GRM7: variants seen among roughly 807,000 people sequenced by gnomAD.
The protein encoded by GRM7 is metabotropic glutamate receptor 7.
A neutral mutation model predicts 84.5 loss-of-function variants in GRM7; 35 were observed. That is an observed-to-expected ratio of 0.41 (90% CI 0.32 to 0.55). The LOEUF is 0.55. Among genes scored for constraint, GRM7 ranks in the 20% least tolerant of loss-of-function variants. GRM7 has a pLI of 0.19. For missense variants in GRM7, 1,003 were observed against 1,194.6 expected (o/e 0.84, Z 2.36); for synonymous variants, 487 against 455.1 (o/e 1.07, Z -0.89).
chr3:7,578,633 G>A lies in GRM7; in HGVS notation c.1727G>A (p.Cys576Tyr). The change falls in exon 8 of 10, where the codon TGC becomes TAC. Residue 576 changes from cysteine (C) to tyrosine (Y), a missense_variant. Transcript: ENST00000357716. ...DQRPNENRTG[C>Y]QDIPIIKLEW... Reference sequence around the variant, plus strand: ...AGGCCCAATGAAAATCGAACCGGATGCCAGGATATTCCCATCATCAAACTG... The same window carrying A: ...AGGCCCAATGAAAATCGAACCGGATACCAGGATATTCCCATCATCAAACTG... 1 of 1,613,960 alleles carries A rather than the reference G, an allele frequency of 6.2e-7. No homozygotes were observed. The highest frequency in any genetic ancestry group is 8.5e-7 in the Non-Finnish European group (1 of 1,179,904).
At chr3:7,306,067 T>C (rs1700184672) in intron 3 of GRM7, among the ~76,000 whole-genome samples, 1 of 152,212 alleles carries the variant, frequency 6.6e-6, no homozygotes, top group Admixed American at 6.5e-5. Context: ...CATAATCATA[T>C]TGCTTTTCAG....
intron 2 of GRM7, among the ~76,000 whole-genome samples, chr3:7,182,896 G>GTTTTTT (rs5846493): frequency 1.4e-4 from 16 of 110,738 alleles, no homozygotes; most frequent in South Asian, 3.4e-4. Flanking sequence ...ACGTGAAAGT[G>GTTTTTT]TTTTTTTTTT....
At chr3:7,342,767 C>T (rs539880770) in intron 4 of GRM7, among the ~76,000 whole-genome samples, 33 of 152,204 alleles carry the variant, frequency 2.2e-4, no homozygotes, top group African/African-American at 6.7e-4. Flanking sequence ...CTTTGAGAAC[C>T]GCTGCTGTTT....
intron 1 of GRM7, among the ~76,000 whole-genome samples, chr3:7,141,080 T>G (rs1243501440): frequency 6.6e-6 from 1 of 152,100 alleles, no homozygotes; most frequent in Non-Finnish European, 1.5e-5. Flanking sequence ...AATTGCTCAC[T>G]GTTCAGAAAT....
At chr3:7,079,751 G>A (rs1358986299) in intron 1 of GRM7, among the ~76,000 whole-genome samples, 1 of 152,108 alleles carries the variant, frequency 6.6e-6, no homozygotes, top group African/African-American at 2.4e-5. Flanking sequence ...ATGTTGAATA[G>A]AGGCCCTGGA....
At chr3:7,362,529 A>G (rs569071090) in intron 4 of GRM7, among the ~76,000 whole-genome samples, 2 of 152,190 alleles carry the variant, frequency 1.3e-5, no homozygotes, top group African/African-American at 4.8e-5. Flanking sequence ...TAAGTTAAGT[A>G]TGATTCCTAC....
chr3:7,443,409 A>G (rs557075979), intron 5 of GRM7, among the ~76,000 whole-genome samples: 7 of 152,220 alleles, frequency 4.6e-5, no homozygotes, highest in South Asian at 4.1e-4. Context: ...CTTCTCTCAT[A>G]AATGTCTTTA....
chr3:6,952,727 G>T (rs1439093272), intron 1 of GRM7, among the ~76,000 whole-genome samples: 2 of 152,006 alleles, frequency 1.3e-5, no homozygotes, highest in South Asian at 2.1e-4. Flanking sequence ...GTTTTGTTTT[G>T]TTTTTGAGCG....
intron 1 of GRM7, among the ~76,000 whole-genome samples, chr3:6,875,067 G>C (rs889146409): frequency 6.6e-6 from 1 of 152,056 alleles, no homozygotes; most frequent in African/African-American, 2.4e-5. Flanking sequence ...TCATCTGGCA[G>C]GACTTCTGCA....
chr3:7,037,150 T>C (rs2124935447), intron 1 of GRM7, among the ~76,000 whole-genome samples: 1 of 152,328 alleles, frequency 6.6e-6, no homozygotes, highest in Non-Finnish European at 1.5e-5. Flanking sequence ...TTTTCAGTGA[T>C]TTATATGTAG....
chr3:6,998,588 TC>T (rs1428035789), intron 1 of GRM7, among the ~76,000 whole-genome samples: 1 of 152,220 alleles, frequency 6.6e-6, no homozygotes, highest in African/African-American at 2.4e-5. Context: ...GCATAAGTTC[TC>T]CCTGAGGGCT....
intron 2 of GRM7, among the ~76,000 whole-genome samples, chr3:7,284,181 A>G (rs900254998): frequency 6.6e-6 from 1 of 152,166 alleles, no homozygotes. Context: ...AGAAATCACA[A>G]TACTCATAAT....
chr3:7,671,581 C>G (rs1180069644), intron 8 of GRM7, among the ~76,000 whole-genome samples: 2 of 150,706 alleles, frequency 1.3e-5, no homozygotes, highest in African/African-American at 4.9e-5. Flanking sequence ...CACAGTGAAA[C>G]TAGGTCTTGT....
chr3:7,591,631 A>G (rs1256325902), intron 8 of GRM7, among the ~76,000 whole-genome samples: 1 of 152,210 alleles, frequency 6.6e-6, no homozygotes, highest in African/African-American at 2.4e-5. Flanking sequence ...ACAGTGCATT[A>G]TAGAACTTCT....
intron 1 of GRM7, among the ~76,000 whole-genome samples, chr3:6,959,053 G>A (rs981450505): frequency 2.0e-5 from 3 of 152,182 alleles, no homozygotes; most frequent in Non-Finnish European, 4.4e-5. Context: ...AATTTTTGAT[G>A]GTGAAAATTA....
chr3:7,377,562 C>T (rs901478212), intron 4 of GRM7, among the ~76,000 whole-genome samples: 8 of 152,104 alleles, frequency 5.3e-5, no homozygotes, highest in Non-Finnish European at 8.8e-5. Flanking sequence ...ATTCACAAAG[C>T]ACCCTGTGGA....
Position 7,578,461 on chromosome 3 carries a change from C to T in GRM7, c.1555C>T (p.Pro519Ser). The change falls in exon 8 of 10, where the codon CCC (proline) becomes TCC (serine). Residue 519 changes from proline to serine, a missense_variant. This residue lies in a region of GRM7 where 910 missense variants were observed against 1,126.0 expected (regional missense o/e 0.81). Transcript: ENST00000357716. ...GTGGGGTAAAGGAGTCCGAGAGATA[C>T]CCGCCTCAGTGTGCACACTACCATG... ...MQWGKGVREI[P>S]ASVCTLPCKP... The T allele has an allele frequency of 6.2e-7, 1 of 1,613,332 alleles. No individual in the cohort carries two copies. Among genetic ancestry groups the T allele is most frequent in the Middle Eastern group, 1.7e-4 (1 of 6,060 alleles).
chr3:7,690,939 C>CT (rs1467695558), intron 9 of GRM7: 1 of 301,940 alleles, frequency 3.3e-6, no homozygotes, highest in Non-Finnish European at 6.5e-6. Context: ...CAAAATCTTT[C>CT]TTTCCCCCAA....
intron 1 of GRM7, among the ~76,000 whole-genome samples, chr3:7,089,117 T>C (rs1256111003): frequency 6.6e-6 from 1 of 152,208 alleles, no homozygotes; most frequent in Non-Finnish European, 1.5e-5. Context: ...AGTATCTCTT[T>C]TGGAAAATTC....
Sources: gnomAD v4.1 joint callset for allele counts (sites outside exome capture counted in the v4.1 genomes callset) on GRCh38, gnomAD v4.1.1 for gene constraint, gnomAD v4.1.1 regional missense constraint, MANE v1.5 for transcripts, NCBI Gene and HGNC (gene_info 2026-07-23, HGNC 2026-07-21) for gene names.